The following MIAT variants were observed in gnomAD, a reference collection of about 807,000 sequenced individuals.
The protein encoded by MIAT is myocardial infarction associated transcript.
At chr22:26,659,828 CTTTCTTTCTTTCT>C (rs1488927557) in intron 2 of MIAT, among the ~76,000 whole-genome samples, 1,432 of 114,374 alleles carry the variant, frequency 0.013, 85 homozygotes, top group Admixed American at 0.11. Context: ...CTTTTTCTTT[CTTTCTTTCTTTCT>C]TTTTTTTTTT....
intron 3 of MIAT, among the ~76,000 whole-genome samples, chr22:26,663,880 G>A (rs750657399): frequency 2.7e-5 from 4 of 150,196 alleles, no homozygotes; most frequent in Admixed American, 6.7e-5. Flanking sequence ...TTCCCTCCCA[G>A]CCAATCCCCT....
At chr22:26,653,026 G>C (rs1306456778) in intron 2 of MIAT, among the ~76,000 whole-genome samples, 3 of 152,170 alleles carry the variant, frequency 2.0e-5, no homozygotes, top group Non-Finnish European at 4.4e-5. Flanking sequence ...CAGTTACATT[G>C]ATGGGGAGGA....
intron 2 of MIAT, among the ~76,000 whole-genome samples, chr22:26,655,494 AATATGT>A (rs2064804875): frequency 1.3e-5 from 2 of 152,294 alleles, no homozygotes; most frequent in South Asian, 4.1e-4. Context: ...TAATAATATA[AATATGT>A]CGTGAGCCCT....
At chr22:26,674,040 G>T (rs1931169023), downstream of MIAT, 1 of 398,684 alleles carries the variant, frequency 2.5e-6, no homozygotes, top group Non-Finnish European at 4.4e-6. Flanking sequence ...ATGCCATTTT[G>T]TATAGAGTCA....
chr22:26,670,731 G>A (rs924596357), downstream of MIAT: 46 of 398,296 alleles, frequency 1.2e-4, no homozygotes, highest in Non-Finnish European at 1.7e-4. Context: ...CAGGGCATAG[G>A]ATGAAGTGTT....
chr22:26,662,100 G>T (rs1054297011), intron 2 of MIAT, among the ~76,000 whole-genome samples: 19 of 151,628 alleles, frequency 1.3e-4, no homozygotes, highest in African/African-American at 4.6e-4. Context: ...ACAGGCACAG[G>T]TACACATAAC....
chr22:26,649,044 G>T (rs182752931), intron 2 of MIAT, among the ~76,000 whole-genome samples: 1 of 152,190 alleles, frequency 6.6e-6, no homozygotes. Context: ...AAAAAATTCA[G>T]AAAAATAATA....
exon 4 of MIAT, chr22:26,666,727 G>A (rs1602367137): frequency 1.3e-5 from 5 of 398,672 alleles, no homozygotes; most frequent in Middle Eastern, 6.3e-4. Context: ...GTGGAGGGTG[G>A]GGTGCCTGGG....
chr22:26,668,806 T>C (rs1174320104), exon 6 of MIAT: 2 of 398,930 alleles, frequency 5.0e-6, no homozygotes, highest in Non-Finnish European at 8.8e-6. Context: ...GAGGAGACAG[T>C]CAGGATCTGG....
intron 2 of MIAT, among the ~76,000 whole-genome samples, chr22:26,654,204 C>T (rs1930384916): frequency 6.6e-6 from 1 of 152,164 alleles, no homozygotes; most frequent in African/African-American, 2.4e-5. Flanking sequence ...TGGTGTCTGG[C>T]TTTCAAGCAG....
chr22:26,658,557 T>C (rs939328428), intron 2 of MIAT, among the ~76,000 whole-genome samples: 17 of 152,084 alleles, frequency 1.1e-4, no homozygotes, highest in African/African-American at 4.1e-4. Context: ...AGGCTGGGGA[T>C]TTGGGAAGAA....
intron 2 of MIAT, among the ~76,000 whole-genome samples, chr22:26,649,604 T>C (rs1404453059): frequency 6.6e-6 from 1 of 152,172 alleles, no homozygotes; most frequent in African/African-American, 2.4e-5. Flanking sequence ...GGATCATCCT[T>C]CAACCATAAG....
intron 2 of MIAT, among the ~76,000 whole-genome samples, chr22:26,658,649 G>A (rs551491455): frequency 1.3e-5 from 2 of 152,164 alleles, no homozygotes; most frequent in Non-Finnish European, 2.9e-5. Context: ...AGGAGGCCTG[G>A]GGGGCGCGCC....
chr22:26,664,162 C>T (rs1170650067), intron 3 of MIAT, among the ~76,000 whole-genome samples: 1 of 151,986 alleles, frequency 6.6e-6, no homozygotes, highest in African/African-American at 2.4e-5. Flanking sequence ...CAGGTGTGCA[C>T]CACCACACCC....
At chr22:26,649,306 T>C (rs371838908) in intron 2 of MIAT, among the ~76,000 whole-genome samples, 1 of 152,198 alleles carries the variant, frequency 6.6e-6, no homozygotes, top group Non-Finnish European at 1.5e-5. Flanking sequence ...CCTGAGTCCA[T>C]GTATTCACTG....
At chr22:26,647,366 TG>T (rs1222367093) in intron 2 of MIAT, 4 of 34,006 alleles carry the variant, frequency 1.2e-4, no homozygotes, top group Non-Finnish European at 1.6e-4. Context: ...GGCGGGGACG[TG>T]GGGGGTGGAG....
At chr22:26,671,827 AC>A (rs764828778), downstream of MIAT, 11,401 of 337,636 alleles carry the variant, frequency 0.034, no homozygotes, top group East Asian at 0.089. Context: ...CATGGCAGAC[AC>A]CTAAAAAAAA....
chr22:26,651,891 C>T (rs1313102662), intron 2 of MIAT, among the ~76,000 whole-genome samples: 1 of 152,228 alleles, frequency 6.6e-6, no homozygotes, highest in East Asian at 1.9e-4. Flanking sequence ...TTGGAACTAG[C>T]TAGACCTGGT....
chr22:26,648,648 T>C (rs1322600053), intron 2 of MIAT, among the ~76,000 whole-genome samples: 4 of 151,642 alleles, frequency 2.6e-5, no homozygotes, highest in Admixed American at 1.3e-4. Flanking sequence ...AGAAAAGACC[T>C]GATAATTTTT....
Sources: allele counts gnomAD v4.1 joint callset (sites outside exome capture counted in the v4.1 genomes callset), GRCh38; gene constraint gnomAD v4.1.1; transcripts MANE v1.5; gene names NCBI Gene and HGNC (gene_info 2026-07-23, HGNC 2026-07-21).